Variants in GRK2 observed in about 807,000 individuals in gnomAD.
GRK2 encodes adrenergic beta receptor kinase 1.
A neutral mutation model predicts 97.8 loss-of-function variants in GRK2; 23 were observed. The observed-to-expected ratio is 0.24, with a 90% CI of 0.17 to 0.33. The LOEUF (loss-of-function observed/expected upper bound fraction) is 0.33, where lower values mean the gene tolerates loss of function less well. Among genes scored for constraint, GRK2 ranks in the 10% least tolerant of loss-of-function variants. GRK2 has a pLI of 1.00. For missense variants in GRK2, 633 were observed against 956.9 expected (o/e 0.66, Z 4.47); for synonymous variants, 425 against 381.7 (o/e 1.11, Z -1.32).
At chr11:67,279,595 G>A in intron 4 of GRK2, 31 bp from the exon 5 acceptor site, 1 of 1,613,006 alleles carries the variant, frequency 6.2e-7, no homozygotes, top group Non-Finnish European at 8.5e-7. Flanking sequence ...GGACCCTGCT[G>A]AGAATTCATG....
At chr11:67,267,885 G>A (rs541547561) in intron 1 of GRK2, among the ~76,000 whole-genome samples, 1 of 152,378 alleles carries the variant, frequency 6.6e-6, no homozygotes, top group South Asian at 2.1e-4. Context: ...GGTAGTCCCA[G>A]GTGGCACCTG....
chr11:67,277,949 G>C (rs139668270), intron 2 of GRK2, among the ~76,000 whole-genome samples: 19 of 152,184 alleles, frequency 1.2e-4, no homozygotes, highest in Non-Finnish European at 2.4e-4. Context: ...CTCTGGACAG[G>C]GGGTATCCTG....
chr11:67,266,597 C>T lies in GRK2; in HGVS notation c.-103C>T. On this transcript the variant is annotated 5_prime_UTR_variant, in exon 1 of 21. Transcript: ENST00000308595. The stretch of plus-strand genomic sequence containing the variant: ...AGCAGGGCCAGGCGGGAGGCGTCGG[C>T]GCCCGAGGCCGAGCGAGCCGCGGCC... 1 of 310,108 alleles carries T rather than the reference C, an allele frequency of 3.2e-6. No individual in the cohort carries two copies. The highest frequency in any genetic ancestry group is 4.6e-6 in the Non-Finnish European group (1 of 217,642). 19.2% of individuals were successfully genotyped at this position (310,108 alleles called of 1,614,324 possible).
chr11:67,283,550 C>T lies in GRK2; in HGVS notation c.1329-157C>T, dbSNP rs774846533. On this transcript the variant is annotated intron_variant, in intron 15 of 20. Transcript: ENST00000308595. ...ACCAGTGTTAAAACCCACAACCCTA[C>T]GATGTAGGAACTTCTGTTCTCCCAT... The T allele has an allele frequency of 5.5e-5, 41 of 746,806 alleles. No homozygotes were observed. In the Middle Eastern group the frequency reaches 1.2e-3, roughly 21 times the overall value. 46.3% of individuals were successfully genotyped at this position (746,806 alleles called of 1,614,324 possible).
chr11:67,279,986 G>T lies in GRK2; in HGVS notation c.503+86G>T. 3 of 1,364,276 alleles carry T rather than the reference G, an allele frequency of 2.2e-6. No homozygotes were observed. In the Admixed American group the frequency reaches 5.2e-5, roughly 23 times the overall value. The allele number at this position is 1,364,276 out of a possible 1,614,324, so 84.5% of individuals were successfully genotyped here. A position where few individuals can be genotyped will look rare whatever the true frequency, so the allele number is the denominator to read the frequency against. On this transcript the variant is annotated intron_variant, in intron 6 of 20. Coordinates refer to ENST00000308595, the MANE Select transcript of GRK2 (RefSeq NM_001619.5). Reference sequence around the variant, plus strand: ...TGGCTGGCGTGGAGGGCAGAAGCCAGCCTTCATTAGGCCCTGAGCAGGCAG... The same window carrying T: ...TGGCTGGCGTGGAGGGCAGAAGCCATCCTTCATTAGGCCCTGAGCAGGCAG...
At chr11:67,274,857 G>A (rs1391534989) in intron 1 of GRK2, among the ~76,000 whole-genome samples, 4 of 152,158 alleles carry the variant, frequency 2.6e-5, no homozygotes, top group South Asian at 4.1e-4. Flanking sequence ...CCGAAGGGGC[G>A]GGTGTGCTGG....
In GRK2 at chr11:67,285,745, G is replaced by A. The variant is rs1860265940; in HGVS notation, c.*295G>A. 2.3e-6 allele frequency: 1 copy of A among 436,298 alleles called. No homozygotes were observed. Among genetic ancestry groups the A allele is most frequent in the South Asian group, 3.5e-5 (1 of 28,266 alleles). The allele number at this position is 436,298 out of a possible 1,614,324, so 27.0% of individuals were successfully genotyped here. A position where few individuals can be genotyped will look rare whatever the true frequency, so the allele number is the denominator to read the frequency against. On this transcript the variant is annotated 3_prime_UTR_variant, in exon 21 of 21. Transcript: ENST00000308595. ...GAGGGATGATGCCACACCAAGCTGT[G>A]CCACCCTGGGCTCTGTGGGCTGCAC... is the stretch of plus-strand genomic sequence containing the variant.
Position 67,282,119 on chromosome 11 carries a change from T to C in GRK2, c.958-152T>C. The C allele has an allele frequency of 1.6e-6, 2 of 1,231,040 alleles. No homozygotes were observed. Among genetic ancestry groups the C allele is most frequent in the Non-Finnish European group, 2.3e-6 (2 of 868,022 alleles). The allele number at this position is 1,231,040 out of a possible 1,614,324, so 76.3% of individuals were successfully genotyped here. A position where few individuals can be genotyped will look rare whatever the true frequency, so the allele number is the denominator to read the frequency against. ...CACCGAGCCACTCTCTGGGTCCAGG[T>C]TGTAGCTGGGGACAGGAGAGAGGAC... is the stretch of plus-strand genomic sequence containing the variant. On this transcript the variant is annotated intron_variant, in intron 11 of 20. Coordinates refer to ENST00000308595, the MANE Select transcript of GRK2 (RefSeq NM_001619.5). The surrounding 1 kb of genome is among the most constrained non-coding windows in gnomAD (Gnocchi z 6.9).
At chr11:67,279,810 A>T (rs1036869787) in intron 5 of GRK2, 29 bp from the exon 6 acceptor site, 1 of 1,613,852 alleles carries the variant, frequency 6.2e-7, no homozygotes, top group East Asian at 2.2e-5. Context: ...CTCGGGGCTC[A>T]GTCACCAACT....
intron 17 of GRK2, 117 bp downstream of exon 17, chr11:67,284,066 C>T: frequency 7.0e-7 from 1 of 1,419,728 alleles, no homozygotes; most frequent in Non-Finnish European, 9.7e-7. Flanking sequence ...TTGTAGGCCT[C>T]AGTTCCTCCT....
chr11:67,283,660 G>A (rs369793840), intron 15 of GRK2, 47 bp from the exon 16 acceptor site: 184 of 1,593,086 alleles, frequency 1.2e-4, no homozygotes, highest in Non-Finnish European at 1.4e-4. Flanking sequence ...AGTTAAGCCC[G>A]GGACTCAGGG....
At position 67,285,860 on chromosome 11, in the gene GRK2, C is replaced by A; in HGVS notation, c.*410C>A. Reference sequence around the variant, plus strand: ...ATCCGACTTGAATTTTCCCACTGCACCCCCTCCTGCTGCAGAGGGGCAGGC... The same window carrying A: ...ATCCGACTTGAATTTTCCCACTGCAACCCCTCCTGCTGCAGAGGGGCAGGC... On this transcript the variant is annotated 3_prime_UTR_variant, in exon 21 of 21. Transcript: ENST00000308595. 1 of 228,242 alleles carries A rather than the reference C, an allele frequency of 4.4e-6. No homozygotes were observed. The highest frequency in any genetic ancestry group is 8.6e-6 in the Non-Finnish European group (1 of 115,806). 14.1% of individuals were successfully genotyped at this position (228,242 alleles called of 1,614,324 possible).
Position 67,285,474 on chromosome 11 carries a change from C to T in GRK2, c.*24C>T, listed in dbSNP as rs781114786. On this transcript the variant is annotated 3_prime_UTR_variant, in exon 21 of 21. Coordinates refer to ENST00000308595, the MANE Select transcript of GRK2 (RefSeq NM_001619.5). The stretch of plus-strand genomic sequence containing the variant: ...GACCCGCCCACCCGCCTTTTATAAA[C>T]CTCTAATTTATTTTGTCGAATTTTT... 2.0e-6 allele frequency: 3 copies of T among 1,511,912 alleles called. No individual in the cohort carries two copies. Among genetic ancestry groups the T allele is most frequent in the Non-Finnish European group, 2.6e-6 (3 of 1,132,872 alleles). The allele number at this position is 1,511,912 out of a possible 1,614,324, so 93.7% of individuals were successfully genotyped here.
intron 18 of GRK2, 81 bp from the exon 19 acceptor site, chr11:67,284,766 G>A: frequency 2.0e-6 from 3 of 1,525,772 alleles, no homozygotes; most frequent in Non-Finnish European, 1.8e-6. Context: ...TCCAGCCTGG[G>A]CAACAGAGTG....
At chr11:67,277,078 G>A (rs1860046516) in intron 1 of GRK2, 194 bp from the exon 2 acceptor site, 1 of 506,212 alleles carries the variant, frequency 2.0e-6, no homozygotes, top group Non-Finnish European at 3.5e-6. Context: ...GCCTGGCGGG[G>A]GCGGTGCAGG....
chr11:67,278,949 G>A (rs566204488), intron 2 of GRK2, among the ~76,000 whole-genome samples: 11 of 152,314 alleles, frequency 7.2e-5, no homozygotes, highest in South Asian at 4.1e-4. Context: ...GCCCATCGCC[G>A]TCCAGCTACC....
intron 17 of GRK2, 56 bp downstream of exon 17, chr11:67,284,005 G>A: frequency 6.6e-7 from 1 of 1,503,770 alleles, no homozygotes; most frequent in Middle Eastern, 1.7e-4. Flanking sequence ...CCTGGGGAAG[G>A]ATCCCTCTCC....
At chr11:67,267,324 C>T (rs755741360) in intron 1 of GRK2, among the ~76,000 whole-genome samples, 1 of 152,248 alleles carries the variant, frequency 6.6e-6, no homozygotes, top group Non-Finnish European at 1.5e-5. Context: ...CCACCCGTCT[C>T]TCCTCCAGTC....
chr11:67,282,355 C>T lies in GRK2; in HGVS notation c.1042C>T (p.His348Tyr). ...LACDFSKKKP[H>Y]ASVGTHGYMA... is the part of the protein sequence containing the mutation. ...CTGTGACTTCTCCAAGAAGAAGCCC[C>T]ATGCCAGCGTGTGAGTGCCCCCCAC... The change falls in exon 12 of 21, where the codon CAT becomes TAT. Residue 348 changes from histidine to tyrosine, a missense_variant. This residue lies in a region of GRK2 where 192 missense variants were observed against 362.3 expected (regional missense o/e 0.53). Coordinates refer to ENST00000308595, the MANE Select transcript of GRK2 (RefSeq NM_001619.5). The surrounding 1 kb of genome is among the most constrained non-coding windows in gnomAD (Gnocchi z 6.9). 1 of 1,613,574 alleles carries T rather than the reference C, an allele frequency of 6.2e-7. No individual in the cohort carries two copies. The highest frequency in any genetic ancestry group is 8.5e-7 in the Non-Finnish European group (1 of 1,179,942).
Sources: allele counts gnomAD v4.1 joint callset (sites outside exome capture counted in the v4.1 genomes callset), GRCh38; gene constraint gnomAD v4.1.1; regional missense constraint gnomAD v4.1.1; non-coding constraint Gnocchi (gnomAD v3.1); transcripts MANE v1.5; gene names NCBI Gene and HGNC (gene_info 2026-07-23, HGNC 2026-07-21).